Variants in HSD17B12 observed in about 807,000 individuals in gnomAD.
The protein encoded by HSD17B12 is very-long-chain 3-oxoacyl-CoA reductase.
HSD17B12 carries 32 observed loss-of-function variants against 39.3 expected under a neutral mutation model. The ratio of observed to expected loss-of-function variants is 0.81; its 90% CI spans 0.61 to 1.09. The LOEUF is 1.09. Ranked by LOEUF, HSD17B12 falls within the 50% of genes least tolerant of loss-of-function variation. The probability of loss-of-function intolerance (pLI) is 0.00; values close to 1 mark genes in which losing one functional copy is unlikely to be tolerated. For synonymous variants in HSD17B12, 150 were observed against 146.7 expected (o/e 1.02, Z -0.16); for missense variants, 342 against 382.9 (o/e 0.89, Z 0.89).
Position 43,856,122 on chromosome 11 carries a change from T to C in HSD17B12, c.*874T>C, listed in dbSNP as rs1951581309. 6.6e-6 allele frequency: 1 copy of C among 152,270 alleles called. No homozygotes were observed. The highest frequency in any genetic ancestry group is 2.1e-4 in the South Asian group (1 of 4,836). 9.4% of individuals were successfully genotyped at this position (152,270 alleles called of 1,614,324 possible). ...TAATGACTTCATAGAAATGGCATTA[T>C]AATTTTTAAGTTGATACTCTACAGG... On this transcript the variant is annotated 3_prime_UTR_variant, in exon 11 of 11. Transcript: ENST00000278353.
chr11:43,770,547 T>C (rs1034154126), intron 3 of HSD17B12, among the ~76,000 whole-genome samples: 4 of 152,090 alleles, frequency 2.6e-5, no homozygotes, highest in Admixed American at 6.6e-5. Flanking sequence ...CTGGGCAACA[T>C]AGGGAGACCG....
chr11:43,686,551 T>C (rs10742686), intron 1 of HSD17B12, among the ~76,000 whole-genome samples: 150,588 of 150,588 alleles, frequency 1, 75,294 homozygotes, highest in Non-Finnish European at 1. Context: ...TGAATATCTT[T>C]TTCCCTCACT....
intron 1 of HSD17B12, among the ~76,000 whole-genome samples, chr11:43,709,511 T>C: frequency 6.6e-6 from 1 of 152,254 alleles, no homozygotes; most frequent in East Asian, 1.9e-4. Flanking sequence ...TTCTCTGACT[T>C]AATGTCTTTG....
the HSD17B12 span, among the ~76,000 whole-genome samples, chr11:43,563,191 C>T: frequency 1.3e-5 from 2 of 152,144 alleles, no homozygotes; most frequent in Non-Finnish European, 2.9e-5. Context: ...CTGTATGGCC[C>T]ATTATGGAAG....
chr11:43,560,791 G>A, the HSD17B12 span, among the ~76,000 whole-genome samples: 7 of 152,152 alleles, frequency 4.6e-5, no homozygotes, highest in African/African-American at 1.7e-4. Flanking sequence ...TCTGAGCCAA[G>A]GGCCCTGCAA....
chr11:43,726,095 GATA>G (rs764063661), intron 1 of HSD17B12, among the ~76,000 whole-genome samples: 2 of 152,148 alleles, frequency 1.3e-5, no homozygotes, highest in Non-Finnish European at 2.9e-5. Flanking sequence ...TAATACTAAT[GATA>G]ATAAAAGCAT....
intron 1 of HSD17B12, among the ~76,000 whole-genome samples, chr11:43,700,122 C>G (rs12277307): frequency 1.4e-4 from 21 of 151,920 alleles, no homozygotes; most frequent in Admixed American, 1.1e-3. Flanking sequence ...GGGGAGGAGC[C>G]TGAGTTCCCT....
chr11:43,607,275 C>A, the HSD17B12 span, among the ~76,000 whole-genome samples: 1 of 116,548 alleles, frequency 8.6e-6, no homozygotes, highest in Non-Finnish European at 1.7e-5. Flanking sequence ...CACGTGTGCT[C>A]CTGAGTGTGT....
chr11:43,622,228 C>T, the HSD17B12 span, among the ~76,000 whole-genome samples: 1 of 152,158 alleles, frequency 6.6e-6, no homozygotes, highest in Admixed American at 6.5e-5. Flanking sequence ...GAAGGAATTG[C>T]ATCACATGTA....
At chr11:43,817,450 T>A (rs570327134) in intron 6 of HSD17B12, among the ~76,000 whole-genome samples, 2 of 152,274 alleles carry the variant, frequency 1.3e-5, no homozygotes, top group East Asian at 1.9e-4. Context: ...GTTTTTCCAA[T>A]GATATCTTTT....
intron 4 of HSD17B12, among the ~76,000 whole-genome samples, chr11:43,813,190 CTTAG>C (rs1201119423): frequency 6.6e-6 from 1 of 152,070 alleles, no homozygotes; most frequent in Non-Finnish European, 1.5e-5. Flanking sequence ...TCTCTGCTTG[CTTAG>C]TTATTCAGGG....
the HSD17B12 span, among the ~76,000 whole-genome samples, chr11:43,567,017 C>T: frequency 6.6e-6 from 1 of 152,188 alleles, no homozygotes; most frequent in Non-Finnish European, 1.5e-5. Flanking sequence ...GTGTCCATCA[C>T]TTAGTTTATC....
intron 4 of HSD17B12, among the ~76,000 whole-genome samples, chr11:43,802,905 T>A (rs1343293267): frequency 6.6e-6 from 1 of 152,206 alleles, no homozygotes; most frequent in East Asian, 1.9e-4. Flanking sequence ...AAATCAATAA[T>A]AAAAATCATT....
the HSD17B12 span, among the ~76,000 whole-genome samples, chr11:43,556,735 C>A: frequency 7.0e-6 from 1 of 143,228 alleles, no homozygotes; most frequent in Admixed American, 7.2e-5. Flanking sequence ...CCCTCCAAGT[C>A]TGGCACTGAA....
At chr11:43,646,611 A>G in the HSD17B12 span, among the ~76,000 whole-genome samples, 1 of 152,196 alleles carries the variant, frequency 6.6e-6, no homozygotes, top group African/African-American at 2.4e-5. Flanking sequence ...AGTTCATTAG[A>G]GGGTGCTTTG....
intron 1 of HSD17B12, among the ~76,000 whole-genome samples, chr11:43,742,193 A>G (rs1590711080): frequency 2.0e-5 from 3 of 149,626 alleles, no homozygotes; most frequent in South Asian, 4.2e-4. Flanking sequence ...GTTGGAGTAC[A>G]GTGCCGCAAT....
At chr11:43,738,158 G>T (rs1269231787) in intron 1 of HSD17B12, among the ~76,000 whole-genome samples, 1 of 149,320 alleles carries the variant, frequency 6.7e-6, no homozygotes, top group African/African-American at 2.5e-5. Flanking sequence ...TGTTTCACTG[G>T]CACATTATGA....
At chr11:43,732,463 G>A (rs568013273) in intron 1 of HSD17B12, among the ~76,000 whole-genome samples, 17 of 152,006 alleles carry the variant, frequency 1.1e-4, no homozygotes, top group African/African-American at 3.9e-4. Context: ...TGCAGTCAGC[G>A]GTGGATCTTT....
At position 43,856,474 on chromosome 11, in the gene HSD17B12, A is replaced by C. The variant is rs1305715349; in HGVS notation, c.*1226A>C. 6.6e-6 allele frequency: 1 copy of C among 152,212 alleles called. No individual in the cohort carries two copies. Among genetic ancestry groups the C allele is most frequent in the Non-Finnish European group, 1.5e-5 (1 of 68,036 alleles). The allele number at this position is 152,212 out of a possible 1,614,324, so 9.4% of individuals were successfully genotyped here. A position where few individuals can be genotyped will look rare whatever the true frequency, so the allele number is the denominator to read the frequency against. On this transcript the variant is annotated 3_prime_UTR_variant, in exon 11 of 11. Coordinates refer to ENST00000278353, the MANE Select transcript of HSD17B12 (RefSeq NM_016142.3). ...CCAGCTAAGGACATAAAACAAAAAT[A>C]AACAAACAAAAACAAATAGCCATCT...
Sources: gnomAD v4.1 joint callset for allele counts (sites outside exome capture counted in the v4.1 genomes callset) on GRCh38, gnomAD v4.1.1 for gene constraint, MANE v1.5 for transcripts, NCBI Gene and HGNC (gene_info 2026-07-23, HGNC 2026-07-21) for gene names.